Variants in MAST2 observed in about 807,000 individuals in gnomAD.
MAST2 encodes the protein microtubule-associated serine/threonine-protein kinase 2.
In MAST2, 70 loss-of-function variants were observed where a neutral mutation model predicts 147.4. That is an observed-to-expected ratio of 0.47 (90% CI 0.39 to 0.58). The LOEUF (loss-of-function observed/expected upper bound fraction) is 0.58. Among genes scored for constraint, MAST2 ranks in the 20% least tolerant of loss-of-function variants. The pLI, the probability that MAST2 is intolerant of heterozygous loss-of-function variation, is 0.00. For synonymous variants in MAST2, 869 were observed against 896.8 expected, an observed-to-expected ratio of 0.97 and a Z score of 0.55; for missense variants, 2,080 against 2,302.3, an observed-to-expected ratio of 0.90 and a Z score of 1.98.
At chr1:46,018,393 G>T (rs1354167142) in intron 10 of MAST2, among the ~76,000 whole-genome samples, 2 of 152,036 alleles carry the variant, frequency 1.3e-5, no homozygotes, top group Non-Finnish European at 2.9e-5. Context: ...CCCTATATTG[G>T]TTCTTATTCT....
At chr1:45,949,856 G>T (rs1177686202) in intron 4 of MAST2, among the ~76,000 whole-genome samples, 1 of 152,072 alleles carries the variant, frequency 6.6e-6, no homozygotes, top group Non-Finnish European at 1.5e-5. Flanking sequence ...AAGAAAATGT[G>T]GTACATATAT....
intron 4 of MAST2, among the ~76,000 whole-genome samples, chr1:45,955,343 T>A (rs1352287121): frequency 2.6e-5 from 4 of 152,184 alleles, no homozygotes; most frequent in African/African-American, 9.6e-5. Context: ...AGATTATTTA[T>A]AATATCTAAT....
chr1:45,944,120 T>C (rs1403729130), intron 4 of MAST2, among the ~76,000 whole-genome samples: 1 of 152,216 alleles, frequency 6.6e-6, no homozygotes, highest in African/African-American at 2.4e-5. Flanking sequence ...CATGCCACTA[T>C]AGCTTGGATT....
intron 4 of MAST2, among the ~76,000 whole-genome samples, chr1:45,885,883 T>TA (rs1647058137): frequency 1.3e-5 from 2 of 152,152 alleles, no homozygotes; most frequent in South Asian, 4.2e-4. Context: ...ATATGGTACT[T>TA]ACTGCTATGA....
chr1:46,011,224 A>G (rs1298875655), intron 10 of MAST2: 2 of 396,094 alleles, frequency 5.0e-6, no homozygotes, highest in Non-Finnish European at 4.6e-6. Context: ...AGTCATAAGT[A>G]TTTGACTAGG....
At chr1:45,918,665 T>A (rs893829818) in intron 4 of MAST2, among the ~76,000 whole-genome samples, 5 of 151,722 alleles carry the variant, frequency 3.3e-5, no homozygotes, top group Admixed American at 2.6e-4. Context: ...CTCAGACTCC[T>A]GACCTCAGGT....
At chr1:45,810,829 A>T (rs972717781) in intron 1 of MAST2, among the ~76,000 whole-genome samples, 8 of 147,842 alleles carry the variant, frequency 5.4e-5, no homozygotes, top group Non-Finnish European at 7.5e-5. Flanking sequence ...AAAAAAAAAA[A>T]GGATAATAAG....
intron 10 of MAST2, among the ~76,000 whole-genome samples, chr1:46,014,178 TTTTA>T (rs1217346087): frequency 6.6e-6 from 1 of 152,154 alleles, no homozygotes; most frequent in Non-Finnish European, 1.5e-5. Flanking sequence ...TTTTTCTTTT[TTTTA>T]TTATTATTAT....
At chr1:45,858,746 G>T (rs1276041377) in intron 3 of MAST2, among the ~76,000 whole-genome samples, 3 of 150,608 alleles carry the variant, frequency 2.0e-5, no homozygotes, top group Non-Finnish European at 3.0e-5. Flanking sequence ...TATGGTTTTA[G>T]GTCTAACATT....
At chr1:45,957,732 C>T (rs1282517619) in intron 4 of MAST2, among the ~76,000 whole-genome samples, 1 of 152,150 alleles carries the variant, frequency 6.6e-6, no homozygotes, top group African/African-American at 2.4e-5. Context: ...TGAGCAAACA[C>T]ATTACTCTGG....
intron 1 of MAST2, among the ~76,000 whole-genome samples, chr1:45,811,735 G>A (rs1006866965): frequency 4.7e-5 from 7 of 148,588 alleles, no homozygotes; most frequent in African/African-American, 1.5e-4. Flanking sequence ...CCGGGTTCCC[G>A]CCGTTCTCCT....
chr1:45,838,296 T>G (rs949457970), intron 3 of MAST2, among the ~76,000 whole-genome samples: 1 of 148,270 alleles, frequency 6.7e-6, no homozygotes, highest in East Asian at 2.0e-4. Context: ...CTTGGCTCAC[T>G]GCAACCTCCG....
chr1:45,888,819 C>T (rs1451352820), intron 4 of MAST2, among the ~76,000 whole-genome samples: 1 of 151,330 alleles, frequency 6.6e-6, no homozygotes, highest in Non-Finnish European at 1.5e-5. Flanking sequence ...GTAGCTGGTA[C>T]TACAGATGTG....
chr1:45,947,095 G>C (rs1035572296), intron 4 of MAST2, among the ~76,000 whole-genome samples: 28 of 152,026 alleles, frequency 1.8e-4, no homozygotes, highest in Admixed American at 8.5e-4. Context: ...TCTTGACTTA[G>C]GGAAAGCTAT....
chr1:45,947,810 A>T (rs1658303895), intron 4 of MAST2, among the ~76,000 whole-genome samples: 1 of 152,176 alleles, frequency 6.6e-6, no homozygotes, highest in African/African-American at 2.4e-5. Flanking sequence ...TCCACCTCCC[A>T]GGTTCATGCT....
intron 3 of MAST2, among the ~76,000 whole-genome samples, chr1:45,841,721 G>A (rs1645283564): frequency 6.6e-6 from 1 of 152,182 alleles, no homozygotes; most frequent in Non-Finnish European, 1.5e-5. Context: ...ATAGAATGCT[G>A]CAGCAGAGTG....
intron 3 of MAST2, among the ~76,000 whole-genome samples, chr1:45,839,827 T>C (rs981212923): frequency 1.3e-5 from 2 of 152,318 alleles, no homozygotes; most frequent in South Asian, 4.1e-4. Context: ...TAAGGATAGA[T>C]ATATAGATCA....
chr1:46,027,777 C>T lies in MAST2; in HGVS notation c.1966C>T (p.Leu656=). The change falls in exon 17 of 29, where the codon CTG becomes TTG. Residue 656 remains leucine (L), a synonymous_variant. Transcript: ENST00000361297. ...MGHIKLTDFG[L]SKIGLMSLTT... is the part of the protein sequence containing the mutation. ...GCACATCAAGCTCACGGACTTTGGA[C>T]TGTCCAAAATTGGCCTCATGAGTCT... 1 of 1,614,142 alleles carries T rather than the reference C, an allele frequency of 6.2e-7. No individual in the cohort carries two copies. The highest frequency in any genetic ancestry group is 8.5e-7 in the Non-Finnish European group (1 of 1,179,986).
intron 2 of MAST2, among the ~76,000 whole-genome samples, chr1:45,825,272 G>T (rs1191067284): frequency 6.6e-6 from 1 of 152,296 alleles, no homozygotes; most frequent in East Asian, 1.9e-4. Flanking sequence ...TGATCCGCCT[G>T]CCTCAGCCTC....
Sources: gnomAD v4.1 joint callset for allele counts (sites outside exome capture counted in the v4.1 genomes callset) on GRCh38, gnomAD v4.1.1 for gene constraint, MANE v1.5 for transcripts, NCBI Gene and HGNC (gene_info 2026-07-23, HGNC 2026-07-21) for gene names.